ITGB2: variants seen among roughly 807,000 people sequenced by gnomAD.
The protein encoded by ITGB2 is integrin beta-2.
ITGB2 carries 56 observed loss-of-function variants against 86.8 expected under a neutral mutation model. The ratio of observed to expected loss-of-function variants is 0.65; its 90% CI spans 0.52 to 0.81. ITGB2 has a LOEUF of 0.81. ITGB2 is among the 30% of genes least tolerant of loss of function. The pLI is 0.00. For synonymous variants in ITGB2, 457 were observed against 450.4 expected (o/e 1.01, Z -0.19); for missense variants, 948 against 1,061.2 (o/e 0.89, Z 1.48).
chr21:44,917,740 A>C (rs1196269429), intron 1 of ITGB2, among the ~76,000 whole-genome samples: 1 of 152,018 alleles, frequency 6.6e-6, no homozygotes, highest in Non-Finnish European at 1.5e-5. Flanking sequence ...CACCTACCCC[A>C]AGTTTCCATC....
At chr21:44,894,678 C>A in intron 9 of ITGB2, 1 of 452,046 alleles carries the variant, frequency 2.2e-6, no homozygotes, top group Non-Finnish European at 4.1e-6. Context: ...AGCTGTCCAC[C>A]TCCCTTCTCC....
Position 44,907,226 on chromosome 21 carries a change from C to T in ITGB2, c.148-131G>A, listed in dbSNP as rs115818769. The T allele has an allele frequency of 6.9e-3, 4,719 of 686,208 alleles. 84 individuals are homozygous for T. Among genetic ancestry groups the T allele is most frequent in the African/African-American group, 0.052 (2,907 of 55,614 alleles). 42.5% of individuals were successfully genotyped at this position (686,208 alleles called of 1,614,324 possible). Reference sequence around the variant, plus strand: ...CGCCTGGAATTTGGGACAGAAGTCCCTGTGGACAGAGACAGGGAGCTCCTT... The same window carrying T: ...CGCCTGGAATTTGGGACAGAAGTCCTTGTGGACAGAGACAGGGAGCTCCTT... On this transcript the variant is annotated intron_variant, in intron 3 of 15. Coordinates refer to ENST00000652462, the MANE Select transcript of ITGB2 (RefSeq NM_000211.5).
Position 44,890,050 on chromosome 21 carries a change from T to A in ITGB2, c.1585A>T (p.Ile529Leu). The change falls in exon 12 of 16, where the codon ATA (isoleucine) becomes TTA (leucine). Residue 529 changes from isoleucine (I) to leucine (L), a missense_variant. By Grantham distance (5) the Ile-to-Leu change is conservative. Coordinates refer to ENST00000652462, the MANE Select transcript of ITGB2 (RefSeq NM_000211.5). ...CHTSDVPGKL[I>L]YGQYCECDTI... Reference sequence around the variant, plus strand: ...TCACACTCGCAGTACTGCCCGTATATCAGCTTGCCGGGGACGTCGCTGGTG... The same window carrying A: ...TCACACTCGCAGTACTGCCCGTATAACAGCTTGCCGGGGACGTCGCTGGTG... 2 of 1,613,492 alleles carry A rather than the reference T, an allele frequency of 1.2e-6. No individual in the cohort carries two copies. Among genetic ancestry groups the A allele is most frequent in the Non-Finnish European group, 1.7e-6 (2 of 1,180,016 alleles).
intron 6 of ITGB2, among the ~76,000 whole-genome samples, chr21:44,901,004 G>C (rs1312296401): frequency 6.6e-6 from 1 of 152,206 alleles, no homozygotes; most frequent in Non-Finnish European, 1.5e-5. Flanking sequence ...TGGGTTGTGA[G>C]GGGAGGACAG....
At chr21:44,897,839 C>T (rs1394559279) in intron 8 of ITGB2, among the ~76,000 whole-genome samples, 1 of 152,220 alleles carries the variant, frequency 6.6e-6, no homozygotes, top group African/African-American at 2.4e-5. Flanking sequence ...TCCCTGTGGC[C>T]TCAGGGCCAC....
rs141799330 is a variant in ITGB2, at chr21:44,907,014, C to T, written c.229G>A (p.Asp77Asn). The change falls in exon 4 of 16, where the codon GAC (aspartate) becomes AAC (asparagine). Residue 77 changes from aspartate to asparagine, a missense_variant. Coordinates refer to ENST00000652462, the MANE Select transcript of ITGB2 (RefSeq NM_000211.5). ...GCGAGGCTTGTGGGGTCCATGATGT[C>T]GTCAGCCGCACAGCCCCTCATGAGC... Reference protein sequence around the residue: ...QLLMRGCAADDIMDPTSLAET... With the variant: ...QLLMRGCAADNIMDPTSLAET... The T allele has an allele frequency of 6.0e-4, 975 of 1,614,086 alleles. 4 individuals are homozygous for T. The African/African-American group carries it at 0.011, about 18-fold the overall frequency.
intron 3 of ITGB2, 122 bp from the exon 4 acceptor site, chr21:44,907,217 C>CTTCTGTCCCAA: frequency 1.4e-6 from 1 of 723,200 alleles, no homozygotes; most frequent in Non-Finnish European, 2.3e-6. Flanking sequence ...GAATTTGGGA[C>CTTCTGTCCCAA]AGAAGTCCCT....
At chr21:44,900,619 C>G in intron 6 of ITGB2, 144 bp from the exon 7 acceptor site, 2 of 972,734 alleles carry the variant, frequency 2.1e-6, no homozygotes, top group Non-Finnish European at 3.1e-6. Context: ...AGGGACCCAG[C>G]TGTGTTCCCC....
At chr21:44,914,551 A>C (rs2084175973) in intron 1 of ITGB2, among the ~76,000 whole-genome samples, 1 of 152,192 alleles carries the variant, frequency 6.6e-6, no homozygotes, top group Non-Finnish European at 1.5e-5. Context: ...GCGGCGTCAG[A>C]AGAGACCTGC....
At chr21:44,919,841 CGGTGGTGCAAGG>C (rs148545749) in intron 1 of ITGB2, among the ~76,000 whole-genome samples, 3,808 of 152,126 alleles carry the variant, frequency 0.025, 138 homozygotes, top group African/African-American at 0.087. Context: ...GGTGTGGGGA[CGGTGGTGCAAGG>C]GGTGGTGCCA....
rs148031841 is a variant in ITGB2, at chr21:44,903,506, G to A, written c.358C>T (p.Arg120Trp). ...GQAAAFNVTFRRAKGYPIDLY... is the reference protein window; with the variant it reads ...GQAAAFNVTFWRAKGYPIDLY... Reference sequence around the variant, plus strand: ...TCGATGGGGTAGCCCTTGGCCCGCCGGAAGGTCACGTTGAACGCTGCTGCC... The same window carrying A: ...TCGATGGGGTAGCCCTTGGCCCGCCAGAAGGTCACGTTGAACGCTGCTGCC... The change falls in exon 5 of 16, where the codon CGG (arginine) becomes TGG (tryptophan). Residue 120 changes from arginine (R) to tryptophan (W), a missense_variant. Transcript: ENST00000652462. 1.1e-4 allele frequency: 179 copies of A among 1,614,078 alleles called. 1 individual carries two copies. In the African/African-American group the frequency reaches 1.7e-3, roughly 15 times the overall value.
intron 4 of ITGB2, among the ~76,000 whole-genome samples, chr21:44,904,536 TAC>T (rs2031813550): frequency 6.7e-6 from 1 of 149,502 alleles, no homozygotes; most frequent in East Asian, 2.0e-4. Context: ...CATGCACGCA[TAC>T]ACACACACCT....
chr21:44,905,239 G>A (rs1247415981), intron 4 of ITGB2, among the ~76,000 whole-genome samples: 1 of 152,074 alleles, frequency 6.6e-6, no homozygotes. Context: ...CCCAGATCCT[G>A]CCGCCCTGCT....
At chr21:44,889,666 C>T (rs928895072) in intron 12 of ITGB2, among the ~76,000 whole-genome samples, 171 bp from the exon 13 acceptor site, 3 of 152,208 alleles carry the variant, frequency 2.0e-5, no homozygotes, top group Non-Finnish European at 2.9e-5. Flanking sequence ...CCGCCAGCCA[C>T]GTGGCCGCCT....
chr21:44,920,746 T>C (rs1383480989), intron 1 of ITGB2, 75 bp downstream of exon 1: 1 of 152,282 alleles, frequency 6.6e-6, no homozygotes, highest in Non-Finnish European at 1.5e-5. Context: ...GCCACCAGGG[T>C]CACTCCAGGC....
rs144406714 is a variant in ITGB2, at chr21:44,898,526, G to A, written c.993+541C>T. 5.8e-4 allele frequency among the ~76,000 whole-genome samples: 88 copies of A among 152,352 alleles called. No individual in the cohort carries two copies. The South Asian group carries it at 0.011, about 18-fold the overall frequency. On this transcript the variant is annotated intron_variant, in intron 8 of 15. Transcript: ENST00000652462. ...TTGGGAACCCCAACAGCACCTGAGC[G>A]TCTTGACGCACTGACCTGCTCAGGC...
rs781230026 is a variant in ITGB2, at chr21:44,892,017, C to T, written c.1225-21G>A. ...GTGATCTGCAGGGCAGTGCTGGGCT[C>T]AGGTGGGGACCCTCGGTGGCCAGGG... On this transcript the variant is annotated intron_variant, in intron 10 of 15. Coordinates refer to ENST00000652462, the MANE Select transcript of ITGB2 (RefSeq NM_000211.5). The T allele has an allele frequency of 3.2e-5, 51 of 1,608,384 alleles. No homozygotes were observed. The East Asian group carries it at 1.1e-3, about 36-fold the overall frequency.
At chr21:44,921,796 A>C (rs988450753), upstream of ITGB2, among the ~76,000 whole-genome samples, 1 of 152,130 alleles carries the variant, frequency 6.6e-6, no homozygotes, top group African/African-American at 2.4e-5. Context: ...ATCTCAGCTC[A>C]CTGCAACCTC....
chr21:44,900,598 C>T, intron 6 of ITGB2, 123 bp from the exon 7 acceptor site: 1 of 1,222,280 alleles, frequency 8.2e-7, no homozygotes, highest in Non-Finnish European at 1.2e-6. Flanking sequence ...TCCCCCTTTC[C>T]CCTGGGTCTC....
Sources: gnomAD v4.1 joint callset for allele counts (sites outside exome capture counted in the v4.1 genomes callset) on GRCh38, gnomAD v4.1.1 for gene constraint, MANE v1.5 for transcripts, NCBI Gene and HGNC (gene_info 2026-07-23, HGNC 2026-07-21) for gene names.